The following CYP24A1 variants were observed in gnomAD, a reference collection of about 807,000 sequenced individuals.
CYP24A1 encodes the protein cytochrome P450 family 24 subfamily A member 1.
Under a neutral mutation model 62.4 loss-of-function variants are expected in CYP24A1, and 68 were observed. The observed-to-expected ratio is 1.09, with a 90% CI of 0.90 to 1.33. The LOEUF (loss-of-function observed/expected upper bound fraction) is 1.33. Among genes scored for constraint, CYP24A1 ranks in the 40% most tolerant of loss-of-function variants. The pLI, the probability that CYP24A1 is intolerant of heterozygous loss-of-function variation, is 0.00. For missense variants in CYP24A1, 787 were observed against 653.0 expected, an observed-to-expected ratio of 1.21 and a Z score of -2.24; for synonymous variants, 267 against 253.0, an observed-to-expected ratio of 1.06 and a Z score of -0.52.
At chr20:54,164,706 G>A in intron 5 of CYP24A1, 143 bp from the exon 6 acceptor site, 1 of 1,507,452 alleles carries the variant, frequency 6.6e-7, no homozygotes, top group Non-Finnish European at 8.9e-7. Context: ...GGCTCTCTCT[G>A]CACCGGTCCT....
chr20:54,168,057 T>G (rs1408818638), intron 4 of CYP24A1, among the ~76,000 whole-genome samples: 1 of 152,164 alleles, frequency 6.6e-6, no homozygotes, highest in African/African-American at 2.4e-5. Context: ...TCCGCACTTC[T>G]TCTGCAGGGA....
chr20:54,143,725 A>T, the CYP24A1 span, among the ~76,000 whole-genome samples: 1 of 121,890 alleles, frequency 8.2e-6, no homozygotes, highest in Non-Finnish European at 2.0e-5. Context: ...AAATAGAAGT[A>T]AAAAAAAATA....
At chr20:54,155,391 C>T (rs148408871) in intron 11 of CYP24A1, among the ~76,000 whole-genome samples, 1 of 152,082 alleles carries the variant, frequency 6.6e-6, no homozygotes, top group Non-Finnish European at 1.5e-5. Flanking sequence ...TGATAGAATC[C>T]GGGTTTAAAC....
intron 4 of CYP24A1, among the ~76,000 whole-genome samples, chr20:54,167,783 A>T (rs545713023): frequency 1.3e-4 from 8 of 62,922 alleles, no homozygotes; most frequent in East Asian, 1.0e-3. Flanking sequence ...ATAAGTAATT[A>T]AAAAAAGTTA....
rs1333395600 is a variant in CYP24A1, at chr20:54,162,710, C to T, written c.990+7G>A. On this transcript the variant is annotated splice_region_variant and intron_variant, in intron 7 of 11. Transcript: ENST00000216862. ...ATTTAGCAAACTCAAATCCAGCCCA[C>T]CCTTACCGTTTCCACCGCAGCCAGC... The T allele has an allele frequency of 6.3e-7, 1 of 1,582,964 alleles. No individual in the cohort carries two copies. The highest frequency in any genetic ancestry group is 1.7e-5 in the Admixed American group (1 of 59,954).
At chr20:54,162,473 T>G in intron 7 of CYP24A1, 2 of 283,628 alleles carry the variant, frequency 7.1e-6, no homozygotes, top group East Asian at 1.2e-4. Context: ...TACCCAGAGT[T>G]TAAGCACAGA....
intron 4 of CYP24A1, among the ~76,000 whole-genome samples, chr20:54,168,784 C>CT: frequency 1.1e-5 from 1 of 92,942 alleles, no homozygotes; most frequent in Non-Finnish European, 2.3e-5. Flanking sequence ...CCTTCCCTCC[C>CT]TCCCTTCTGC....
intron 7 of CYP24A1, among the ~76,000 whole-genome samples, chr20:54,160,563 A>G (rs2146473654): frequency 6.6e-6 from 1 of 152,362 alleles, no homozygotes; most frequent in Non-Finnish European, 1.5e-5. Flanking sequence ...TCTTCATGTC[A>G]GAGGACTGGC....
chr20:54,161,749 G>C (rs2092651118), intron 7 of CYP24A1, among the ~76,000 whole-genome samples: 1 of 152,160 alleles, frequency 6.6e-6, no homozygotes, highest in Admixed American at 6.5e-5. Flanking sequence ...AGTTCAACAG[G>C]AAAGTGAGCG....
chr20:54,156,296 C>G (rs185247490), intron 11 of CYP24A1, among the ~76,000 whole-genome samples: 74 of 152,222 alleles, frequency 4.9e-4, no homozygotes, highest in African/African-American at 1.6e-3. Flanking sequence ...AATTTATGAA[C>G]TTGGAGATGG....
chr20:54,159,178 C>T, intron 7 of CYP24A1, 55 bp from the exon 8 acceptor site: 3 of 1,423,366 alleles, frequency 2.1e-6, no homozygotes, highest in Non-Finnish European at 3.0e-6. Context: ...CATTAAACCA[C>T]TATTAGCTGA....
downstream of CYP24A1, among the ~76,000 whole-genome samples, chr20:54,152,548 A>G (rs2092614225): frequency 6.6e-6 from 1 of 152,206 alleles, no homozygotes; most frequent in Non-Finnish European, 1.5e-5. Flanking sequence ...AGCTGGGTGG[A>G]CGTAGATGGT....
downstream of CYP24A1, among the ~76,000 whole-genome samples, chr20:54,150,466 TG>T (rs1179085414): frequency 6.6e-6 from 1 of 152,130 alleles, no homozygotes; most frequent in Non-Finnish European, 1.5e-5. Flanking sequence ...CCCAAGTAGC[TG>T]GGATTATAAG....
At position 54,169,604 on chromosome 20, in the gene CYP24A1, A is replaced by T; in HGVS notation, c.628T>A (p.Trp210Arg). 6.2e-7 allele frequency: 1 copy of T among 1,614,150 alleles called. No homozygotes were observed. Among genetic ancestry groups the T allele is most frequent in the Non-Finnish European group, 8.5e-7 (1 of 1,180,002 alleles). ...GACGACAACTTACTTTCAAACGACC[A>T]TTTGTTCAGTTCGCTGTACAAGTCT... ...VEDLYSELNK[W>R]SFESICLVLY... is the part of the protein sequence containing the mutation. Residue 210 changes from tryptophan to arginine, a missense_variant, in exon 4 of 12, where the codon TGG (tryptophan) becomes AGG (arginine). Transcript: ENST00000216862.
At chr20:54,163,460 A>C (rs6022994) in intron 6 of CYP24A1, among the ~76,000 whole-genome samples, 15,894 of 152,246 alleles carry the variant, frequency 0.1, 2,762 homozygotes, top group African/African-American at 0.36. Flanking sequence ...GGTAATAATC[A>C]TGCTGATCAC....
Position 54,173,806 on chromosome 20 carries a change from A to G in CYP24A1, c.-227T>C. 1.7e-6 allele frequency: 1 copy of G among 588,490 alleles called. No individual in the cohort carries two copies. The highest frequency in any genetic ancestry group is 3.0e-6 in the Non-Finnish European group (1 of 330,262). 36.5% of individuals were successfully genotyped at this position (588,490 alleles called of 1,614,324 possible). ...CCTCAGAGCATTGGTGCCTCCTTGC[A>G]CTGGCCGCAGGGGCTGGAAGAGGGT... On this transcript the variant is annotated 5_prime_UTR_variant, in exon 1 of 12. Coordinates refer to ENST00000216862, the MANE Select transcript of CYP24A1 (RefSeq NM_000782.5). The surrounding 1 kb of genome is among the most constrained non-coding windows in gnomAD (Gnocchi z 7.2).
At chr20:54,150,371 T>TC (rs1568961484), downstream of CYP24A1, among the ~76,000 whole-genome samples, 1 of 152,212 alleles carries the variant, frequency 6.6e-6, no homozygotes, top group Non-Finnish European at 1.5e-5. Context: ...TTTCACTTTT[T>TC]TGCCCAGGCT....
chr20:54,167,658 A>G (rs2146494712), intron 4 of CYP24A1, among the ~76,000 whole-genome samples: 1 of 152,280 alleles, frequency 6.6e-6, no homozygotes, highest in Non-Finnish European at 1.5e-5. Flanking sequence ...CTGTAGTCCC[A>G]GCTGCTCAGG....
chr20:54,166,619 C>T (rs1003132051), intron 4 of CYP24A1, among the ~76,000 whole-genome samples: 1 of 152,156 alleles, frequency 6.6e-6, no homozygotes, highest in African/African-American at 2.4e-5. Context: ...AACATAACCA[C>T]AATGTCATTA....
Sources: allele counts gnomAD v4.1 joint callset (sites outside exome capture counted in the v4.1 genomes callset), GRCh38; gene constraint gnomAD v4.1.1; non-coding constraint Gnocchi (gnomAD v3.1); transcripts MANE v1.5; gene names NCBI Gene and HGNC (gene_info 2026-07-23, HGNC 2026-07-21).